Variants in TEX11 observed in about 807,000 individuals in gnomAD.
The protein encoded by TEX11 is testis expressed 11, also known as testis-expressed protein 11.
In TEX11, 7 loss-of-function variants were observed where a neutral mutation model predicts 84.4. The observed-to-expected ratio is 0.08, with a 90% CI of 0.05 to 0.16. TEX11 has a LOEUF of 0.16. TEX11 is among the 10% of genes least tolerant of loss of function. TEX11 has a pLI of 1.00. For synonymous variants in TEX11, 264 were observed against 222.8 expected (o/e 1.18, Z -1.64); for missense variants, 551 against 660.5 (o/e 0.83, Z 1.82).
intron 8 of TEX11, among the ~76,000 whole-genome samples, chrX:70,825,667 G>T (rs1029266822): frequency 4.5e-5 from 5 of 112,171 alleles, no homozygotes; most frequent in Non-Finnish European, 3.8e-5. Context: ...AAGAATTGAC[G>T]AAATGTTTTT....
chrX:70,715,484 T>C (rs1243974160), intron 13 of TEX11, among the ~76,000 whole-genome samples: 1 of 112,000 alleles, frequency 8.9e-6, no homozygotes, highest in Admixed American at 9.5e-5. Flanking sequence ...GAGGCTTTTT[T>C]CATTTCTTTG....
chrX:70,823,969 G>A (rs112679136), intron 8 of TEX11, among the ~76,000 whole-genome samples: 14,080 of 111,157 alleles, frequency 0.13, 771 homozygotes, highest in Middle Eastern at 0.25. Context: ...ACAGTGAGCC[G>A]AGATCATGCC....
the TEX11 span, among the ~76,000 whole-genome samples, chrX:70,514,034 T>G: frequency 2.7e-5 from 3 of 109,224 alleles, no homozygotes; most frequent in African/African-American, 1.0e-4. Flanking sequence ...CGTATGAAAT[T>G]GCCATTATCC....
intron 5 of TEX11, among the ~76,000 whole-genome samples, chrX:70,858,850 C>T (rs2091552488): frequency 1.8e-5 from 2 of 110,708 alleles, no homozygotes; most frequent in African/African-American, 6.6e-5. Flanking sequence ...CCAGCCTGGC[C>T]AACATGGTGA....
intron 17 of TEX11, among the ~76,000 whole-genome samples, chrX:70,639,555 T>C (rs2089622943): frequency 1.8e-5 from 2 of 111,742 alleles, no homozygotes; most frequent in South Asian, 3.7e-4. Flanking sequence ...GTTCTCCCAG[T>C]ACGCAGCTGG....
intron 7 of TEX11, among the ~76,000 whole-genome samples, chrX:70,849,225 G>A (rs984932606): frequency 1.7e-4 from 19 of 111,935 alleles, no homozygotes; most frequent in Non-Finnish European, 2.4e-4. Context: ...TTTAGAAAAT[G>A]TATTCATGAC....
intron 9 of TEX11, among the ~76,000 whole-genome samples, chrX:70,777,047 ATTT>A (rs1355495310): frequency 9.7e-6 from 1 of 102,845 alleles, no homozygotes; most frequent in African/African-American, 3.5e-5. Flanking sequence ...TATTATTATT[ATTT>A]TTTTTTTTGT....
At chrX:70,648,772 G>A (rs1720830295) in intron 17 of TEX11, among the ~76,000 whole-genome samples, 2 of 110,975 alleles carry the variant, frequency 1.8e-5, no homozygotes, top group Admixed American at 1.9e-4. Context: ...TATTACGTAG[G>A]CATACGTGTG....
intron 9 of TEX11, among the ~76,000 whole-genome samples, chrX:70,799,926 C>T (rs1413677048): frequency 9.0e-6 from 1 of 111,257 alleles, no homozygotes; most frequent in Non-Finnish European, 1.9e-5. Context: ...AGAGCACAAA[C>T]GATTAATTTT....
At position 70,907,914 on chromosome X, in the gene TEX11, A is replaced by G. The variant is rs762660236; in HGVS notation, c.-21-104T>C. ...CCGTTACTTGTTATCCAAAGGGAGAAAAAAAGGCTGAGTAAAGTTAAAAGC... is the reference window on the plus strand; with the variant it reads ...CCGTTACTTGTTATCCAAAGGGAGAGAAAAAGGCTGAGTAAAGTTAAAAGC... On this transcript the variant is annotated intron_variant, in intron 1 of 29. Coordinates refer to ENST00000374333, the MANE Select transcript of TEX11 (RefSeq NM_031276.3). 4 of 555,758 alleles carry G rather than the reference A, an allele frequency of 7.2e-6. No individual in the cohort carries two copies. In the Admixed American group the frequency reaches 1.4e-4, roughly 19 times the overall value. The allele number at this position is 555,758 out of a possible 1,213,427, so 45.8% of individuals were successfully genotyped here. A position where few individuals can be genotyped will look rare whatever the true frequency, so the allele number is the denominator to read the frequency against.
rs1221312928 is a variant in TEX11, at chrX:70,786,307, C to T, written c.692+20398G>A. On this transcript the variant is annotated intron_variant, in intron 9 of 29. Transcript: ENST00000374333. ...ACACAGGGTGGGGAACATCACACAC[C>T]AGGGCCTGTCAGGAGGTGGTGGGCT... Among the ~76,000 whole-genome samples, 4 of 110,345 alleles carry T rather than the reference C, an allele frequency of 3.6e-5. No homozygotes were observed. The Admixed American group carries it at 3.9e-4, about 11-fold the overall frequency.
rs764710269 is a variant in TEX11 at position 70,808,466 on chromosome X, G to A, written c.607-1676C>T. ...TGCAGTGAGCTGAGATCATGCCACCGCACTCCAGCCTGGGCAACAGAGAGA... is the reference window on the plus strand; with the variant it reads ...TGCAGTGAGCTGAGATCATGCCACCACACTCCAGCCTGGGCAACAGAGAGA... On this transcript the variant is annotated intron_variant, in intron 8 of 29. Coordinates refer to ENST00000374333, the MANE Select transcript of TEX11 (RefSeq NM_031276.3). 9.3e-5 allele frequency among the ~76,000 whole-genome samples: 10 copies of A among 108,021 alleles called. No individual in the cohort carries two copies. The South Asian group carries it at 3.2e-3, about 35-fold the overall frequency. 93.8% of individuals were successfully genotyped at this position (108,021 alleles called of 115,157 possible). A position where few individuals can be genotyped will look rare whatever the true frequency, so the allele number is the denominator to read the frequency against.
At chrX:70,758,791 A>C (rs1391133396) in intron 9 of TEX11, among the ~76,000 whole-genome samples, 3 of 112,135 alleles carry the variant, frequency 2.7e-5, no homozygotes, top group Non-Finnish European at 5.6e-5. Context: ...AAGGAAACAG[A>C]GACACAAAAA....
chrX:70,756,569 C>T (rs1299159917), intron 9 of TEX11, among the ~76,000 whole-genome samples: 3 of 111,445 alleles, frequency 2.7e-5, no homozygotes, highest in Admixed American at 9.5e-5. Context: ...GGAATAGCAC[C>T]AACATCAACA....
At chrX:70,543,767 C>A (rs1456030817) in intron 28 of TEX11, among the ~76,000 whole-genome samples, 1 of 111,891 alleles carries the variant, frequency 8.9e-6, no homozygotes, top group Non-Finnish European at 1.9e-5. Context: ...TGTCTCACTT[C>A]ACAATGGGGA....
chrX:70,902,837 G>A (rs928283778), intron 2 of TEX11, among the ~76,000 whole-genome samples: 4 of 112,100 alleles, frequency 3.6e-5, no homozygotes, highest in Admixed American at 9.5e-5. Context: ...ACTTTTTAAC[G>A]CTTTTGTAGT....
At chrX:70,694,121 T>C (rs1301422968) in intron 13 of TEX11, among the ~76,000 whole-genome samples, 1 of 111,253 alleles carries the variant, frequency 9.0e-6, no homozygotes, top group Non-Finnish European at 1.9e-5. Flanking sequence ...CTTGGCTCAC[T>C]GCAACCTCCA....
intron 9 of TEX11, among the ~76,000 whole-genome samples, chrX:70,744,498 A>G (rs913593959): frequency 7.4e-5 from 8 of 108,654 alleles, no homozygotes; most frequent in Non-Finnish European, 1.1e-4. Context: ...TATATATAGC[A>G]TTGAATATAT....
At chrX:70,695,566 T>C (rs1426536118) in intron 13 of TEX11, among the ~76,000 whole-genome samples, 3 of 112,165 alleles carry the variant, frequency 2.7e-5, no homozygotes, top group Non-Finnish European at 5.6e-5. Context: ...AGTATGTATG[T>C]GTAATCAAAG....
Sources: gnomAD v4.1 joint callset for allele counts (sites outside exome capture counted in the v4.1 genomes callset) on GRCh38, gnomAD v4.1.1 for gene constraint, MANE v1.5 for transcripts, NCBI Gene and HGNC (gene_info 2026-07-23, HGNC 2026-07-21) for gene names.